SLC24A2: variants seen among roughly 807,000 people sequenced by gnomAD.
SLC24A2 encodes solute carrier family 24 member 2.
In SLC24A2, 36 loss-of-function variants were observed where a neutral mutation model predicts 62.0. The ratio of observed to expected loss-of-function variants is 0.58; its 90% CI spans 0.44 to 0.77. SLC24A2 has a LOEUF of 0.77. Ranked by LOEUF, SLC24A2 falls within the 30% of genes least tolerant of loss-of-function variation. The pLI is 0.00. For synonymous variants in SLC24A2, 358 were observed against 294.0 expected (o/e 1.22, Z -2.23); for missense variants, 846 against 817.9 (o/e 1.03, Z -0.42).
At chr9:20,167,355 G>C in the SLC24A2 span, among the ~76,000 whole-genome samples, 5 of 151,944 alleles carry the variant, frequency 3.3e-5, no homozygotes. Context: ...AAATGTGTTT[G>C]TGTTGTTGGA....
At chr9:19,690,783 C>T (rs1348034183) in intron 2 of SLC24A2, among the ~76,000 whole-genome samples, 1 of 152,020 alleles carries the variant, frequency 6.6e-6, no homozygotes, top group Non-Finnish European at 1.5e-5. Context: ...TCCTTTTCCC[C>T]TATAATTCAC....
At chr9:20,007,512 A>G in the SLC24A2 span, among the ~76,000 whole-genome samples, 2 of 152,138 alleles carry the variant, frequency 1.3e-5, no homozygotes, top group Non-Finnish European at 2.9e-5. Context: ...TACATGTGTG[A>G]ATATATATGT....
chr9:20,176,339 A>C, the SLC24A2 span, among the ~76,000 whole-genome samples: 1 of 152,240 alleles, frequency 6.6e-6, no homozygotes, highest in South Asian at 2.1e-4. Context: ...TATAGCTGTG[A>C]TTTCAGTTAG....
chr9:20,263,356 A>T, the SLC24A2 span, among the ~76,000 whole-genome samples: 8 of 152,120 alleles, frequency 5.3e-5, no homozygotes, highest in African/African-American at 1.9e-4. Flanking sequence ...GGTTCAAGCA[A>T]GCTGCTCACC....
the SLC24A2 span, among the ~76,000 whole-genome samples, chr9:19,808,014 G>T: frequency 6.6e-6 from 1 of 152,160 alleles, no homozygotes; most frequent in South Asian, 2.1e-4. This position sits in a 1 kb window ranked among gnomAD's most constrained non-coding sequence, Gnocchi z 4.1. Context: ...TAAATGCAAG[G>T]CACTGTGGGG....
chr9:19,911,163 C>T, the SLC24A2 span, among the ~76,000 whole-genome samples: 18 of 147,666 alleles, frequency 1.2e-4, no homozygotes, highest in East Asian at 1.0e-3. Flanking sequence ...TGAGAACATG[C>T]GGTGTTTAGT....
intron 2 of SLC24A2, among the ~76,000 whole-genome samples, chr9:19,650,722 GCACA>G (rs36051382): frequency 2.0e-5 from 3 of 151,258 alleles, no homozygotes; most frequent in African/African-American, 7.3e-5. Flanking sequence ...CATGGCACGC[GCACA>G]CACACACACA....
the SLC24A2 span, among the ~76,000 whole-genome samples, chr9:19,954,855 A>G: frequency 6.6e-6 from 1 of 152,164 alleles, no homozygotes; most frequent in Non-Finnish European, 1.5e-5. Context: ...GGAACCAGTA[A>G]CAACCAACAA....
the SLC24A2 span, among the ~76,000 whole-genome samples, chr9:19,907,585 C>G: frequency 1.3e-5 from 2 of 152,188 alleles, no homozygotes; most frequent in African/African-American, 4.8e-5. Context: ...ACCCCATCGT[C>G]TCAGCCCAAA....
chr9:19,664,552 T>TC (rs899515667), intron 2 of SLC24A2, among the ~76,000 whole-genome samples: 1 of 152,210 alleles, frequency 6.6e-6, no homozygotes, highest in African/African-American at 2.4e-5. Flanking sequence ...GAATTGTGTC[T>TC]CCCCAAAAGA....
chr9:20,103,691 C>T, the SLC24A2 span, among the ~76,000 whole-genome samples: 1 of 152,248 alleles, frequency 6.6e-6, no homozygotes. Context: ...CACAAAAAAC[C>T]CACCTGTACA....
At chr9:19,844,557 A>G in the SLC24A2 span, among the ~76,000 whole-genome samples, 1 of 151,952 alleles carries the variant, frequency 6.6e-6, no homozygotes, top group South Asian at 2.1e-4. Context: ...TGTTTTTGCA[A>G]TTGCTTTTGG....
intron 7 of SLC24A2, among the ~76,000 whole-genome samples, chr9:19,554,596 C>A (rs752369128): frequency 2.6e-5 from 4 of 152,136 alleles, no homozygotes; most frequent in Non-Finnish European, 5.9e-5. Flanking sequence ...TGGTTTTCAG[C>A]CTTCTCGGCA....
chr9:20,248,872 A>T, the SLC24A2 span, among the ~76,000 whole-genome samples: 1 of 152,150 alleles, frequency 6.6e-6, no homozygotes, highest in Non-Finnish European at 1.5e-5. Flanking sequence ...GGACAATAAG[A>T]GAGTCTCTAA....
At chr9:20,018,923 G>A in the SLC24A2 span, among the ~76,000 whole-genome samples, 2 of 152,026 alleles carry the variant, frequency 1.3e-5, no homozygotes, top group East Asian at 1.9e-4. Context: ...AATTAGCCAG[G>A]CATGGTGGTG....
At chr9:20,083,159 G>A in the SLC24A2 span, among the ~76,000 whole-genome samples, 95,308 of 152,160 alleles carry the variant, frequency 0.63, 30,923 homozygotes, top group East Asian at 0.94. Flanking sequence ...ACTGTACCTT[G>A]TGTGATTGGA....
intron 2 of SLC24A2, among the ~76,000 whole-genome samples, chr9:19,647,062 A>ACG (rs1289043231): frequency 0.032 from 999 of 31,708 alleles, 7 homozygotes; most frequent in Middle Eastern, 0.075. Context: ...ACACACACAC[A>ACG]CGCGCGCACA....
At chr9:19,773,849 G>A (rs190054542) in intron 2 of SLC24A2, among the ~76,000 whole-genome samples, 163 of 152,356 alleles carry the variant, frequency 1.1e-3, no homozygotes, top group African/African-American at 3.7e-3. Context: ...AGGGTGGCAA[G>A]AAGAGGGCTC....
the SLC24A2 span, among the ~76,000 whole-genome samples, chr9:20,139,036 T>C: frequency 6.6e-6 from 1 of 152,242 alleles, no homozygotes; most frequent in African/African-American, 2.4e-5. Flanking sequence ...CTTTCTTTGG[T>C]CTGAAACCAA....
Sources: allele counts gnomAD v4.1 joint callset (sites outside exome capture counted in the v4.1 genomes callset), GRCh38; gene constraint gnomAD v4.1.1; non-coding constraint Gnocchi (gnomAD v3.1); transcripts MANE v1.5; gene names NCBI Gene and HGNC (gene_info 2026-07-23, HGNC 2026-07-21).